Variants in CSMD1 observed in about 807,000 individuals in gnomAD.
The protein encoded by CSMD1 is CUB and Sushi multiple domains 1, also known as CUB and sushi domain-containing protein 1.
In CSMD1, 213 loss-of-function variants were observed where a neutral mutation model predicts 417.5. The observed-to-expected ratio is 0.51, with a 90% confidence interval of 0.46 to 0.57. The LOEUF is 0.57. CSMD1 is among the 20% of genes least tolerant of loss of function. The probability of loss-of-function intolerance (pLI) is 0.00; values close to 1 mark genes in which losing one functional copy is unlikely to be tolerated. For synonymous variants in CSMD1, 2,862 were observed against 1,736.8 expected (o/e 1.65, Z -16.11); for missense variants, 6,923 against 4,529.7 (o/e 1.53, Z -15.17).
intron 12 of CSMD1, among the ~76,000 whole-genome samples, chr8:3,447,450 A>G (rs1312243458): frequency 6.6e-6 from 1 of 152,208 alleles, no homozygotes; most frequent in African/African-American, 2.4e-5. Flanking sequence ...AAAGTGGAAA[A>G]TGAAAAGTAT....
At chr8:4,927,689 G>C (rs935135419) in intron 1 of CSMD1, among the ~76,000 whole-genome samples, 2 of 152,114 alleles carry the variant, frequency 1.3e-5, no homozygotes, top group Non-Finnish European at 2.9e-5. Flanking sequence ...GTGAACTAGG[G>C]CTAAGGGAGT....
intron 3 of CSMD1, among the ~76,000 whole-genome samples, chr8:4,254,169 G>C (rs750206615): frequency 6.6e-6 from 1 of 151,952 alleles, no homozygotes; most frequent in East Asian, 1.9e-4. Context: ...CACCCGCCTT[G>C]GCCTCCCAAA....
At chr8:4,852,965 G>C (rs889917494) in intron 1 of CSMD1, among the ~76,000 whole-genome samples, 2 of 152,166 alleles carry the variant, frequency 1.3e-5, no homozygotes, top group African/African-American at 4.8e-5. Context: ...ATGCATTCAT[G>C]ATGTGGCCTG....
At chr8:3,429,826 T>C (rs1406244443) in intron 12 of CSMD1, among the ~76,000 whole-genome samples, 1 of 152,048 alleles carries the variant, frequency 6.6e-6, no homozygotes, top group Middle Eastern at 3.2e-3. Context: ...TAGTCCCACC[T>C]CCCCCACAAA....
intron 1 of CSMD1, among the ~76,000 whole-genome samples, chr8:4,814,773 T>C (rs976530794): frequency 6.6e-6 from 1 of 152,146 alleles, no homozygotes; most frequent in African/African-American, 2.4e-5. Flanking sequence ...GGAAATGTTC[T>C]AAAATTTCAA....
At chr8:3,274,350 A>C (rs543791208) in intron 26 of CSMD1, among the ~76,000 whole-genome samples, 98 of 152,256 alleles carry the variant, frequency 6.4e-4, no homozygotes, top group Middle Eastern at 6.8e-3. Context: ...ACTTCCAACT[A>C]TGTGGTCAAT....
At chr8:4,118,782 C>T (rs1003492053) in intron 3 of CSMD1, among the ~76,000 whole-genome samples, 49 of 152,268 alleles carry the variant, frequency 3.2e-4, no homozygotes, top group Non-Finnish European at 3.7e-4. Context: ...ACTATAAAGA[C>T]ACATGCACAT....
intron 1 of CSMD1, among the ~76,000 whole-genome samples, chr8:4,889,898 C>G (rs1283992095): frequency 2.0e-5 from 3 of 152,016 alleles, no homozygotes; most frequent in Admixed American, 6.6e-5. Context: ...AGCAATTTGT[C>G]CAGTTCACAG....
At chr8:4,622,868 T>C (rs1056463855) in intron 2 of CSMD1, among the ~76,000 whole-genome samples, 25 of 152,234 alleles carry the variant, frequency 1.6e-4, no homozygotes, top group Middle Eastern at 3.4e-3. Flanking sequence ...AAATTTCTCA[T>C]GGAATCTTTA....
chr8:4,064,509 G>C (rs972752694), intron 3 of CSMD1, among the ~76,000 whole-genome samples: 6 of 152,194 alleles, frequency 3.9e-5, no homozygotes, highest in African/African-American at 1.4e-4. Flanking sequence ...TGTGAGGCAG[G>C]GATAACATCC....
chr8:3,436,525 T>C (rs1253780683), intron 12 of CSMD1, among the ~76,000 whole-genome samples: 1 of 152,204 alleles, frequency 6.6e-6, no homozygotes, highest in South Asian at 2.1e-4. Context: ...GTGTAATGTT[T>C]AGTGGCTTTA....
At chr8:3,851,084 G>A (rs1474557305) in intron 5 of CSMD1, among the ~76,000 whole-genome samples, 2 of 152,094 alleles carry the variant, frequency 1.3e-5, no homozygotes, top group African/African-American at 4.8e-5. Context: ...AATCTATTTA[G>A]GTATAATTCT....
intron 5 of CSMD1, among the ~76,000 whole-genome samples, chr8:3,914,307 T>A (rs1808657253): frequency 6.6e-6 from 1 of 152,040 alleles, no homozygotes. Flanking sequence ...TCATGGTTTT[T>A]AAGAACGAGG....
At chr8:4,331,558 A>G (rs1799870176) in intron 3 of CSMD1, among the ~76,000 whole-genome samples, 2 of 152,126 alleles carry the variant, frequency 1.3e-5, no homozygotes, top group Non-Finnish European at 2.9e-5. Flanking sequence ...TATGAATTAA[A>G]TCCACAGCTG....
intron 2 of CSMD1, among the ~76,000 whole-genome samples, chr8:4,523,413 G>A (rs1803586421): frequency 6.6e-6 from 1 of 151,816 alleles, no homozygotes; most frequent in South Asian, 2.1e-4. Context: ...TCCTACTTTT[G>A]TATTAAGTAC....
At chr8:4,620,898 A>T (rs565229238) in intron 2 of CSMD1, among the ~76,000 whole-genome samples, 2 of 151,958 alleles carry the variant, frequency 1.3e-5, no homozygotes, top group African/African-American at 2.4e-5. Context: ...AATTGAGTAA[A>T]GTAAAAAAAA....
intron 5 of CSMD1, among the ~76,000 whole-genome samples, chr8:3,794,935 AATGTATAGCTATAGATATATATCTATC>A (rs1563086661): frequency 2.0e-5 from 3 of 151,472 alleles, no homozygotes; most frequent in South Asian, 2.1e-4. Context: ...CTAACCTTCT[AATGTATAGCTATAGATATATATCTATC>A]ATGTATAGCT....
intron 10 of CSMD1, among the ~76,000 whole-genome samples, chr8:3,567,801 C>T (rs1799777824): frequency 6.6e-6 from 1 of 152,284 alleles, no homozygotes; most frequent in Non-Finnish European, 1.5e-5. Flanking sequence ...CTTTCTTGAA[C>T]ATCCTCTGCA....
intron 37 of CSMD1, among the ~76,000 whole-genome samples, chr8:3,180,082 G>A (rs1480188763): frequency 1.3e-5 from 2 of 152,166 alleles, no homozygotes; most frequent in African/African-American, 4.8e-5. Context: ...ATTTGCAACT[G>A]CTTATTAAAG....
Sources: gnomAD v4.1 joint callset for allele counts (sites outside exome capture counted in the v4.1 genomes callset) on GRCh38, gnomAD v4.1.1 for gene constraint, MANE v1.5 for transcripts, NCBI Gene and HGNC (gene_info 2026-07-23, HGNC 2026-07-21) for gene names.